Variants in PPP2R3B observed in about 807,000 individuals in gnomAD.
PPP2R3B encodes protein phosphatase 2 regulatory subunit B''beta, also known as serine/threonine-protein phosphatase 2A regulatory subunit B'' subunit beta.
Under a neutral mutation model 72.9 loss-of-function variants are expected in PPP2R3B, and 68 were observed. The observed-to-expected ratio is 0.93, with a 90% confidence interval of 0.77 to 1.14. The LOEUF is 1.14. PPP2R3B is among the 50% of genes most tolerant of loss of function. PPP2R3B has a pLI of 0.00. For missense variants in PPP2R3B, 1,018 were observed against 842.0 expected, an observed-to-expected ratio of 1.21 and a Z score of -2.59; for synonymous variants, 466 against 375.8, an observed-to-expected ratio of 1.24 and a Z score of -2.78.
intron 1 of PPP2R3B, chrX:373,853 T>G (rs867986056): frequency 1.3e-5 from 2 of 151,108 alleles, no homozygotes; most frequent in African/African-American, 4.9e-5. Context: ...GCGCCGGGGG[T>G]GGGGGCGGCC....
chrX:341,481 T>C, intron 8 of PPP2R3B, 85 bp from the exon 9 acceptor site: 1 of 1,416,908 alleles, frequency 7.1e-7, no homozygotes, highest in Non-Finnish European at 9.9e-7. Flanking sequence ...CGCGCCTCGG[T>C]GAGGGGAGCC....
intron 11 of PPP2R3B, 25 bp downstream of exon 11, chrX:338,753 C>CGGCCCGCG: frequency 6.2e-7 from 1 of 1,611,842 alleles, no homozygotes; most frequent in Non-Finnish European, 8.5e-7. Flanking sequence ...TGGCGCGGCC[C>CGGCCCGCG]GGCCCGCGTG....
At chrX:353,844 C>T (rs2071379708) in intron 2 of PPP2R3B, among the ~76,000 whole-genome samples, 1 of 130,754 alleles carries the variant, frequency 7.6e-6, no homozygotes, top group Non-Finnish European at 1.7e-5. Context: ...GACCGGGGCT[C>T]GCCCAGGGAC....
At chrX:363,256 T>TCCCACAGTGCATCTCCCCGAGCCCGC (rs2071582610) in intron 1 of PPP2R3B, among the ~76,000 whole-genome samples, 1 of 118,394 alleles carries the variant, frequency 8.4e-6, no homozygotes, top group African/African-American at 3.3e-5. Context: ...CCCGAGCCCA[T>TCCCACAGTGCATCTCCCCGAGCCCGC]GATCCCGCAG....
intron 12 of PPP2R3B, chrX:335,773 C>T (rs1174559575): frequency 4.6e-5 from 7 of 152,184 alleles, no homozygotes; most frequent in Admixed American, 2.0e-4. Context: ...GCGTGAGAGA[C>T]GCTATCACTG....
intron 2 of PPP2R3B, among the ~76,000 whole-genome samples, chrX:351,924 G>T (rs2071340429): frequency 6.6e-6 from 1 of 152,084 alleles, no homozygotes; most frequent in Non-Finnish European, 1.5e-5. Context: ...GGAACCCTTG[G>T]CCGCAAGCCA....
chrX:369,991 C>A (rs1458729494), intron 1 of PPP2R3B, among the ~76,000 whole-genome samples: 1 of 152,200 alleles, frequency 6.6e-6, no homozygotes, highest in African/African-American at 2.4e-5. Context: ...CGGCCACCCC[C>A]TGGAAGGCAG....
chrX:359,329 C>T (rs749044644), intron 2 of PPP2R3B, among the ~76,000 whole-genome samples: 171 of 152,308 alleles, frequency 1.1e-3, no homozygotes, highest in African/African-American at 4.0e-3. Flanking sequence ...CTGAGCAAGG[C>T]GTGTTAAGTC....
In PPP2R3B at chrX:341,939, G is replaced by A. The variant is rs1266926932; in HGVS notation, c.1037-8C>T. ...TCATCTTGGTAGAAAGGGCTGGAAA[G>A]GAATGCGGTTGATGGGCAGCCCGCA... On this transcript the variant is annotated splice_polypyrimidine_tract_variant and splice_region_variant and intron_variant, in intron 7 of 12. Coordinates refer to ENST00000390665, the MANE Select transcript of PPP2R3B (RefSeq NM_013239.5). 5.6e-6 allele frequency: 9 copies of A among 1,612,672 alleles called. No homozygotes were observed. Among genetic ancestry groups the A allele is most frequent in the Non-Finnish European group, 6.8e-6 (8 of 1,179,752 alleles).
intron 1 of PPP2R3B, among the ~76,000 whole-genome samples, chrX:364,521 C>CCA (rs1345807052): frequency 1.2e-5 from 1 of 86,954 alleles, no homozygotes; most frequent in Non-Finnish European, 2.2e-5. Context: ...AAAAAAAAAA[C>CCA]AAAAAAAAAA....
In PPP2R3B at chrX:386,492, CG is replaced by C. The variant is rs1556289723; in HGVS notation, c.199del (p.Arg67GlyfsTer42). 16 of 1,286,552 alleles carry C rather than the reference CG, an allele frequency of 1.2e-5. No individual in the cohort carries two copies. Among genetic ancestry groups the C allele is most frequent in the South Asian group, 8.1e-5 (3 of 37,092 alleles). The allele number at this position is 1,286,552 out of a possible 1,614,324, so 79.7% of individuals were successfully genotyped here. On this transcript the variant is annotated frameshift_variant, in exon 1 of 13. Transcript: ENST00000390665. LOFTEE classifies it high-confidence loss of function. ...AWPTAPLAAP[R>X]PSGLEPPGTP... ...TCCCGGGGGTTCGAGCCCGCTGGGC[CG>C]GGGGGCGGCGAGCGGGGCTGTGGGC...
rs1569403774 is a variant in PPP2R3B at position 363,410 on chromosome X, A to AAT, written c.325-1821_325-1820insAT. ...CATCTCCCCGAGCCCGCAATCCCACAGTGCATCTCCCCGAGCCCGCGATCC... is the reference window on the plus strand; with the variant it reads ...CATCTCCCCGAGCCCGCAATCCCACAATGTGCATCTCCCCGAGCCCGCGATCC... On this transcript the variant is annotated intron_variant, in intron 1 of 12. Transcript: ENST00000390665. Among the ~76,000 whole-genome samples, 25 of 150,746 alleles carry AAT rather than the reference A, an allele frequency of 1.7e-4. 2 individuals carry two copies. Among genetic ancestry groups the AAT allele is most frequent in the African/African-American group, 5.9e-4 (24 of 40,724 alleles).
intron 7 of PPP2R3B, chrX:342,318 AGGCGG>A: frequency 3.6e-6 from 1 of 278,098 alleles, no homozygotes; most frequent in Non-Finnish European, 6.9e-6. Context: ...CAGCAACGGG[AGGCGG>A]GAGTGAGACC....
rs1212935268 is a variant in PPP2R3B, at chrX:346,684, C to A, written c.792+17G>T. ...CGCCCCGCGCTGGAACCGACGGCCC[C>A]TCCGCTGGGGACCCACCGTGGTGAT... On this transcript the variant is annotated intron_variant, in intron 5 of 12. Transcript: ENST00000390665. The A allele has an allele frequency of 6.3e-7, 1 of 1,599,344 alleles. No homozygotes were observed. The highest frequency in any genetic ancestry group is 8.5e-7 in the Non-Finnish European group (1 of 1,170,986).
At chrX:376,811 C>G (rs1247071824) in intron 1 of PPP2R3B, among the ~76,000 whole-genome samples, 94 of 120,470 alleles carry the variant, frequency 7.8e-4, no homozygotes, top group Non-Finnish European at 1.0e-3. Flanking sequence ...TGTCTATACA[C>G]TACTGTATAC....
chrX:355,498 C>T (rs559166886), intron 2 of PPP2R3B, among the ~76,000 whole-genome samples: 5 of 152,292 alleles, frequency 3.3e-5, no homozygotes, highest in African/African-American at 1.2e-4. Flanking sequence ...AAAATTCACA[C>T]GGTGGGAACG....
chrX:386,238 G>A (rs2124442452), intron 1 of PPP2R3B, 130 bp downstream of exon 1: 1 of 625,634 alleles, frequency 1.6e-6, no homozygotes, highest in East Asian at 3.5e-5. Context: ...GGGTCGGGGC[G>A]GGGAACAGAC....
intron 1 of PPP2R3B, among the ~76,000 whole-genome samples, chrX:374,837 G>A (rs1441164788): frequency 2.6e-5 from 4 of 152,140 alleles, no homozygotes; most frequent in Non-Finnish European, 5.9e-5. Context: ...AGGATGACAC[G>A]GATCTACCAC....
intron 1 of PPP2R3B, among the ~76,000 whole-genome samples, chrX:362,613 C>G (rs1318469720): frequency 1.3e-5 from 2 of 151,698 alleles, no homozygotes; most frequent in Non-Finnish European, 2.9e-5. Flanking sequence ...ATCAACTACT[C>G]AGGGGACGGG....
Sources: allele counts gnomAD v4.1 joint callset (sites outside exome capture counted in the v4.1 genomes callset), GRCh38; gene constraint gnomAD v4.1.1; transcripts MANE v1.5; gene names NCBI Gene and HGNC (gene_info 2026-07-23, HGNC 2026-07-21).